The following RIF1 variants were observed in gnomAD, a reference collection of about 807,000 sequenced individuals.
RIF1 encodes telomere-associated protein RIF1.
In RIF1, 45 loss-of-function variants were observed where a neutral mutation model predicts 247.1. The observed-to-expected ratio is 0.18, with a 90% confidence interval of 0.14 to 0.23. The LOEUF (loss-of-function observed/expected upper bound fraction) is 0.23. Ranked by LOEUF, RIF1 falls within the 10% of genes least tolerant of loss-of-function variation. RIF1 has a pLI of 1.00. For synonymous variants in RIF1, 1,087 were observed against 978.8 expected, an observed-to-expected ratio of 1.11 and a Z score of -2.06; for missense variants, 2,967 against 2,862.5, an observed-to-expected ratio of 1.04 and a Z score of -0.83.
At chr2:151,421,837 ATT>A (rs35077506) in intron 7 of RIF1, among the ~76,000 whole-genome samples, 6 of 142,356 alleles carry the variant, frequency 4.2e-5, no homozygotes, top group African/African-American at 1.0e-4. Flanking sequence ...GACATATATA[ATT>A]TTTTTTTTTT....
chr2:151,458,168 A>G (rs897573926), intron 24 of RIF1, among the ~76,000 whole-genome samples: 21 of 152,112 alleles, frequency 1.4e-4, no homozygotes, highest in African/African-American at 4.3e-4. Flanking sequence ...TTCAGGAGCC[A>G]AGAAAAGCAG....
chr2:151,411,397 TTTTG>T, intron 3 of RIF1, 59 bp downstream of exon 3: 6 of 1,037,352 alleles, frequency 5.8e-6, no homozygotes, highest in East Asian at 2.4e-5. Flanking sequence ...TTTTTTTTGG[TTTTG>T]TTTTTTTGTT....
At chr2:151,472,257 AAGG>A (rs2048596838) in intron 34 of RIF1, among the ~76,000 whole-genome samples, 1 of 152,188 alleles carries the variant, frequency 6.6e-6, no homozygotes, top group Non-Finnish European at 1.5e-5. Context: ...TTATTGGCCC[AAGG>A]AGATTTTGGG....
At chr2:151,493,435 T>C in intron 9 of RIF1, 1 of 1,600,404 alleles carries the variant, frequency 6.2e-7, no homozygotes, top group Non-Finnish European at 8.5e-7. Flanking sequence ...CATGTTCTCT[T>C]TGTACAATAC....
the RIF1 span, chr2:151,524,751 C>A: frequency 1.4e-6 from 1 of 695,532 alleles, no homozygotes; most frequent in Non-Finnish European, 2.3e-6. Flanking sequence ...ACTGCAACTT[C>A]TGTCTCCCGG....
rs1695903127 is a variant in RIF1, at chr2:151,460,196, G to A, written c.3075+77G>A. 6 of 1,144,448 alleles carry A rather than the reference G, an allele frequency of 5.2e-6. No homozygotes were observed. The South Asian group carries it at 8.4e-5, about 16-fold the overall frequency. 70.9% of individuals were successfully genotyped at this position (1,144,448 alleles called of 1,614,324 possible). A position where few individuals can be genotyped will look rare whatever the true frequency, so the allele number is the denominator to read the frequency against. On this transcript the variant is annotated intron_variant, in intron 26 of 35. Coordinates refer to ENST00000444746, the MANE Select transcript of RIF1 (RefSeq NM_018151.5). ...TTACATACAACTTTAAAAATTGGAT[G>A]AAAGAACTATAAAAGACTAAATAAA...
At chr2:151,466,607 A>G (rs1696937413) in intron 30 of RIF1, among the ~76,000 whole-genome samples, 1 of 152,108 alleles carries the variant, frequency 6.6e-6, no homozygotes, top group Non-Finnish European at 1.5e-5. Flanking sequence ...TTAGTTATTT[A>G]TATCCCCATT....
At chr2:151,529,180 A>G in the RIF1 span, 1 of 1,463,636 alleles carries the variant, frequency 6.8e-7, no homozygotes, top group South Asian at 1.1e-5. Flanking sequence ...TAAATCCCCC[A>G]CCATGCTTGG....
intron 6 of RIF1, 55 bp from the exon 7 acceptor site, chr2:151,420,135 G>T (rs576369247): frequency 2.7e-6 from 4 of 1,502,980 alleles, no homozygotes; most frequent in Non-Finnish European, 3.6e-6. Context: ...TTTACTGCTT[G>T]TTTAGACTTA....
rs748323817 is a variant in RIF1 at position 151,454,940 on chromosome 2, T to C, written c.2390T>C (p.Leu797Pro). 6.2e-7 allele frequency: 1 copy of C among 1,613,080 alleles called. No individual in the cohort carries two copies. Among genetic ancestry groups the C allele is most frequent in the Admixed American group, 1.7e-5 (1 of 59,938 alleles). ...TGGTCCAAAAAGAAGAATGAGCCCC[T>C]AGGGAAATTGACTTCTTTATTTAAA... ...SDWSKKKNEP[L>P]GKLTSLFKLI... is the part of the protein sequence containing the mutation. Residue 797 changes from leucine to proline, a missense_variant, in exon 22 of 36, where the codon CTA (leucine) becomes CCA (proline). Transcript: ENST00000444746.
chr2:151,527,426 T>G, the RIF1 span: 243 of 1,226,892 alleles, frequency 2.0e-4, no homozygotes, highest in Non-Finnish European at 1.4e-5. Flanking sequence ...AATTATTCAT[T>G]GTATTTCTCA....
chr2:151,429,259 C>T (rs1007936195), intron 9 of RIF1, among the ~76,000 whole-genome samples: 7 of 152,218 alleles, frequency 4.6e-5, no homozygotes, highest in African/African-American at 9.6e-5. Context: ...TGGTTCACTG[C>T]GACCCCCGCC....
At chr2:151,442,409 A>T (rs1018513684) in intron 16 of RIF1, among the ~76,000 whole-genome samples, 23 of 151,806 alleles carry the variant, frequency 1.5e-4, no homozygotes, top group Admixed American at 5.2e-4. Flanking sequence ...AAAAAAAGAA[A>T]GATGACCTTA....
At chr2:151,460,507 C>G (rs887340153) in intron 26 of RIF1, among the ~76,000 whole-genome samples, 23 of 109,724 alleles carry the variant, frequency 2.1e-4, no homozygotes, top group Admixed American at 2.2e-4. Context: ...TAAATAATGC[C>G]TAGATAAGAC....
Position 151,462,898 on chromosome 2 carries a change from CA to C in RIF1, c.3379del (p.Ser1127ValfsTer51). On this transcript the variant is annotated frameshift_variant, in exon 30 of 36. Coordinates refer to ENST00000444746, the MANE Select transcript of RIF1 (RefSeq NM_018151.5). LOFTEE classifies it high-confidence loss of function. The stretch of plus-strand genomic sequence containing the variant: ...TTTCTGTGCAGGAGGAGCAAATGGA[CA>C]GTGACATTGTCATTCCTCAAGATGT... ...KMMITEEQMD[S>X]DIVIPQDVTE... 6.2e-7 allele frequency: 1 copy of C among 1,600,774 alleles called. No homozygotes were observed. The highest frequency in any genetic ancestry group is 8.5e-7 in the Non-Finnish European group (1 of 1,174,248).
chr2:151,469,385 G>A (rs1697446374), intron 33 of RIF1, among the ~76,000 whole-genome samples: 1 of 152,284 alleles, frequency 6.6e-6, no homozygotes, highest in Non-Finnish European at 1.5e-5. Flanking sequence ...TAATGATGCA[G>A]TAATATGTAT....
At chr2:151,497,076 A>ATT in intron 10 of RIF1, 1 of 1,538,676 alleles carries the variant, frequency 6.5e-7, no homozygotes, top group Non-Finnish European at 8.8e-7. Context: ...CATGAGTAAC[A>ATT]TTTCATTTGT....
intron 9 of RIF1, chr2:151,490,257 TAAAGG>T (rs2055230949): frequency 7.4e-7 from 1 of 1,349,530 alleles, no homozygotes; most frequent in Non-Finnish European, 1.0e-6. Context: ...CTTTTCTCAT[TAAAGG>T]AAAGGATGAA....
downstream of RIF1, chr2:151,485,879 AG>A (rs1446563712): frequency 6.2e-7 from 1 of 1,613,978 alleles, no homozygotes; most frequent in Admixed American, 1.7e-5. Context: ...CCATCCTTGA[AG>A]GACACCTCAT....
Sources: gnomAD v4.1 joint callset for allele counts (sites outside exome capture counted in the v4.1 genomes callset) on GRCh38, gnomAD v4.1.1 for gene constraint, MANE v1.5 for transcripts, NCBI Gene and HGNC (gene_info 2026-07-23, HGNC 2026-07-21) for gene names.